OCA2: variants seen among roughly 807,000 people sequenced by gnomAD.
OCA2 encodes the protein P protein.
Under a neutral mutation model 100.2 loss-of-function variants are expected in OCA2, and 77 were observed. The observed-to-expected ratio is 0.77, with a 90% CI of 0.64 to 0.93. OCA2 has a LOEUF of 0.93. Ranked by LOEUF, OCA2 falls within the 40% of genes least tolerant of loss-of-function variation. The probability of loss-of-function intolerance (pLI) is 0.00; values close to 1 mark genes in which losing one functional copy is unlikely to be tolerated. For missense variants in OCA2, 1,062 were observed against 1,089.1 expected (o/e 0.98, Z 0.35); for synonymous variants, 432 against 439.2 (o/e 0.98, Z 0.21).
intron 18 of OCA2, among the ~76,000 whole-genome samples, chr15:27,928,006 G>T (rs921937162): frequency 6.6e-6 from 1 of 151,734 alleles, no homozygotes; most frequent in East Asian, 1.9e-4. Context: ...TGGCCAGGCT[G>T]GTCACGAACT....
At chr15:27,757,849 G>A (rs1435095540) in intron 23 of OCA2, among the ~76,000 whole-genome samples, 2 of 152,196 alleles carry the variant, frequency 1.3e-5, no homozygotes, top group Non-Finnish European at 2.9e-5. Flanking sequence ...GGATTACAAA[G>A]TGCCCAAAAT....
chr15:28,004,720 CAG>C (rs923319977), intron 9 of OCA2, among the ~76,000 whole-genome samples: 5 of 151,978 alleles, frequency 3.3e-5, no homozygotes, highest in East Asian at 1.9e-4. Flanking sequence ...ACAGACACAA[CAG>C]AGTCACACTC....
intron 2 of OCA2, among the ~76,000 whole-genome samples, chr15:28,069,451 C>T (rs1416079987): frequency 5.2e-5 from 6 of 115,488 alleles, no homozygotes; most frequent in African/African-American, 1.2e-4. Flanking sequence ...CCCGGTCTCC[C>T]TCTCATGCGG....
intron 18 of OCA2, among the ~76,000 whole-genome samples, chr15:27,929,369 T>C (rs2039161324): frequency 6.6e-6 from 1 of 152,170 alleles, no homozygotes; most frequent in Non-Finnish European, 1.5e-5. Flanking sequence ...TTTGCAAAGA[T>C]TCAATGGTGG....
chr15:27,999,006 A>C (rs546946854), intron 9 of OCA2, among the ~76,000 whole-genome samples: 1 of 152,046 alleles, frequency 6.6e-6, no homozygotes, highest in Non-Finnish European at 1.5e-5. Context: ...CAATGAGAAC[A>C]CATGGACACA....
intron 23 of OCA2, among the ~76,000 whole-genome samples, chr15:27,780,341 C>T (rs566088028): frequency 2.0e-5 from 3 of 152,326 alleles, no homozygotes; most frequent in South Asian, 2.1e-4. Flanking sequence ...ACAGTTGGCC[C>T]TCTGGGCATT....
intron 18 of OCA2, among the ~76,000 whole-genome samples, chr15:27,926,501 G>A (rs1386306966): frequency 6.6e-6 from 1 of 152,052 alleles, no homozygotes; most frequent in Non-Finnish European, 1.5e-5. Context: ...ACCTCCTCTA[G>A]CTCCTCTTGT....
At chr15:27,920,794 T>C (rs891728380) in intron 19 of OCA2, among the ~76,000 whole-genome samples, 23 of 152,200 alleles carry the variant, frequency 1.5e-4, no homozygotes, top group Admixed American at 3.3e-4. Context: ...AGGGACTCAA[T>C]ATAATATTTG....
intron 23 of OCA2, among the ~76,000 whole-genome samples, chr15:27,840,693 T>G (rs1023144455): frequency 3.3e-5 from 5 of 152,124 alleles, no homozygotes; most frequent in African/African-American, 1.2e-4. Context: ...GGTGCTAGAG[T>G]GCAGTGATAT....
chr15:28,081,919 C>G (rs768407006), intron 1 of OCA2, 24 bp from the exon 2 acceptor site: 8 of 1,564,576 alleles, frequency 5.1e-6, no homozygotes, highest in Middle Eastern at 1.7e-4. Flanking sequence ...AAAGAAACCA[C>G]TCTTCATGAA....
intron 2 of OCA2, among the ~76,000 whole-genome samples, chr15:28,081,010 C>T (rs1161853021): frequency 6.6e-6 from 1 of 152,154 alleles, no homozygotes; most frequent in Non-Finnish European, 1.5e-5. Flanking sequence ...AAACCAAATA[C>T]CACATATTCT....
chr15:27,990,364 C>G (rs1469851390), intron 10 of OCA2, among the ~76,000 whole-genome samples: 1 of 152,226 alleles, frequency 6.6e-6, no homozygotes, highest in African/African-American at 2.4e-5. Flanking sequence ...AGGAATCACA[C>G]CACTGGGATG....
chr15:28,079,433 C>G (rs1316078297), intron 2 of OCA2, among the ~76,000 whole-genome samples: 1 of 152,172 alleles, frequency 6.6e-6, no homozygotes, highest in African/African-American at 2.4e-5. Flanking sequence ...GACATGGCCA[C>G]ACACCTGCCC....
Position 27,989,630 on chromosome 15 carries a change from A to T in OCA2, c.1153T>A (p.Phe385Ile), listed in dbSNP as rs137956605. 3.2e-4 allele frequency: 524 copies of T among 1,614,178 alleles called. 4 individuals carry two copies. The African/African-American group carries it at 6.4e-3, about 20-fold the overall frequency. Reference sequence around the variant, plus strand: ...CCAAACAGCAGGGCCAGCGTCTCAAAATCAATCCACTCCACCACATGGGTC... The same window carrying T: ...CCAAACAGCAGGGCCAGCGTCTCAATATCAATCCACTCCACCACATGGGTC... ...SLTHVVEWID[F>I]ETLALLFGMM... The change falls in exon 11 of 24, where the codon TTT (phenylalanine) becomes ATT (isoleucine). Residue 385 changes from phenylalanine (F) to isoleucine (I), a missense_variant. Transcript: ENST00000354638.
intron 14 of OCA2, among the ~76,000 whole-genome samples, chr15:27,974,309 A>T: frequency 6.6e-6 from 1 of 152,210 alleles, no homozygotes. Flanking sequence ...ACAATGCAAA[A>T]TAAATATGCA....
intron 17 of OCA2, among the ~76,000 whole-genome samples, chr15:27,952,347 G>A (rs944374719): frequency 1.3e-5 from 2 of 152,188 alleles, no homozygotes; most frequent in Admixed American, 1.3e-4. Context: ...CACTCTTAGC[G>A]CTGGAATGAC....
intron 6 of OCA2, among the ~76,000 whole-genome samples, chr15:28,019,688 C>A (rs1465686737): frequency 6.6e-6 from 1 of 152,118 alleles, no homozygotes. Flanking sequence ...CGGGAGGAGG[C>A]CTCGAGCTCC....
At chr15:27,726,803 G>A in the OCA2 span, among the ~76,000 whole-genome samples, 4 of 152,238 alleles carry the variant, frequency 2.6e-5, no homozygotes, top group African/African-American at 9.6e-5. Flanking sequence ...TTGGCCGTCT[G>A]CTTCCAGAAA....
intron 19 of OCA2, among the ~76,000 whole-genome samples, chr15:27,889,228 G>A (rs1320687985): frequency 1.3e-5 from 2 of 152,168 alleles, no homozygotes; most frequent in African/African-American, 2.4e-5. Context: ...ACCCTTGAGC[G>A]CTATATTTCA....
Sources: allele counts gnomAD v4.1 joint callset (sites outside exome capture counted in the v4.1 genomes callset), GRCh38; gene constraint gnomAD v4.1.1; transcripts MANE v1.5; gene names NCBI Gene and HGNC (gene_info 2026-07-23, HGNC 2026-07-21).